CYBA: variants seen among roughly 807,000 people sequenced by gnomAD.
CYBA encodes the protein cytochrome b-245 light chain.
A neutral mutation model predicts 20.8 loss-of-function variants in CYBA; 21 were observed. That is an observed-to-expected ratio of 1.01 (90% CI 0.72 to 1.46). CYBA has a LOEUF of 1.46. Ranked by LOEUF, CYBA falls within the 40% of genes most tolerant of loss-of-function variation. The pLI, the probability that CYBA is intolerant of heterozygous loss-of-function variation, is 0.00. For missense variants in CYBA, 344 were observed against 287.0 expected, an observed-to-expected ratio of 1.20 and a Z score of -1.43; for synonymous variants, 164 against 127.5, an observed-to-expected ratio of 1.29 and a Z score of -1.93.
chr16:88,647,513 G>T (rs1241454399), intron 2 of CYBA, among the ~76,000 whole-genome samples: 6 of 152,218 alleles, frequency 3.9e-5, no homozygotes, highest in African/African-American at 1.2e-4. Flanking sequence ...TGCAGCCTGG[G>T]GGACAGAGCG....
chr16:88,643,449 G>T lies in CYBA; in HGVS notation c.492C>A (p.Arg164=), dbSNP rs1369829608. The stretch of plus-strand genomic sequence containing the variant: ...CAGCCTCCTCCTCGCTGGGCTTCTT[G>T]CGGGCCTCGGCCGGGGGCCGCGGCG... ...NPPPRPPAEA[R]KKPSEEEAAV... is the part of the protein sequence containing the mutation. Residue 164 remains arginine (R), a synonymous_variant, in exon 6 of 6, where the codon CGC becomes CGA. Transcript: ENST00000261623. The surrounding 1 kb of genome is among the most constrained non-coding windows in gnomAD (Gnocchi z 4.3). 1.3e-6 allele frequency: 2 copies of T among 1,533,856 alleles called. No individual in the cohort carries two copies. Among genetic ancestry groups the T allele is most frequent in the East Asian group, 5.0e-5 (2 of 40,400 alleles).
chr16:88,646,179 G>A lies in CYBA; in HGVS notation c.306C>T (p.Gly102=), dbSNP rs867515217. 5 of 1,557,026 alleles carry A rather than the reference G, an allele frequency of 3.2e-6. No individual in the cohort carries two copies. The Admixed American group carries it at 5.7e-5, about 18-fold the overall frequency. ...VLHLLLSVPA[G]FLLATILGTA... ...TCCCAAGGATGGTGGCCAGCAGGAA[G>A]CCGGCGGGCACCGAGAGCCTGGGGG... Residue 102 remains glycine, a synonymous_variant, in exon 5 of 6, where the codon GGC becomes GGT. Coordinates refer to ENST00000261623, the MANE Select transcript of CYBA (RefSeq NM_000101.4).
At position 88,643,972 on chromosome 16, in the gene CYBA, G is replaced by T. The variant is rs1395973855; in HGVS notation, c.370-401C>A. Reference sequence around the variant, plus strand: ...TAGCAGGCCCTGCTCCGTCTGGTGGGCGCCATTCACCCACGCTGGCCGGCA... The same window carrying T: ...TAGCAGGCCCTGCTCCGTCTGGTGGTCGCCATTCACCCACGCTGGCCGGCA... On this transcript the variant is annotated intron_variant, in intron 5 of 5. Coordinates refer to ENST00000261623, the MANE Select transcript of CYBA (RefSeq NM_000101.4). The surrounding 1 kb of genome is among the most constrained non-coding windows in gnomAD (Gnocchi z 4.3). Among the ~76,000 whole-genome samples the T allele has an allele frequency of 6.6e-6, 1 of 152,084 alleles. No individual in the cohort carries two copies. Among genetic ancestry groups the T allele is most frequent in the African/African-American group, 2.4e-5 (1 of 41,418 alleles).
At chr16:88,644,787 T>C in intron 5 of CYBA, 1 of 249,394 alleles carries the variant, frequency 4.0e-6, no homozygotes, top group Non-Finnish European at 8.0e-6. Flanking sequence ...ATCACGCCAC[T>C]GCACTCCAGC....
At position 88,647,660 on chromosome 16, in the gene CYBA, T is replaced by C. The variant is rs72563773; in HGVS notation, c.128+385A>G. 9.1e-4 allele frequency: 347 copies of C among 382,486 alleles called. 1 individual carries two copies. Among genetic ancestry groups the C allele is most frequent in the Non-Finnish European group, 1.3e-3 (251 of 200,444 alleles). The allele number at this position is 382,486 out of a possible 1,614,324, so 23.7% of individuals were successfully genotyped here. ...CTCCCACCACCCTGCCCAGTGCTCC[T>C]TGTCGCAAGGTCCGGCTGGGCGGCA... On this transcript the variant is annotated intron_variant, in intron 2 of 5. Transcript: ENST00000261623.
chr16:88,650,426 G>A (rs764202713), intron 1 of CYBA: 2 of 457,970 alleles, frequency 4.4e-6, no homozygotes, highest in Admixed American at 2.3e-5. Flanking sequence ...GGCCGTCACT[G>A]GGTGGTTTCG....
rs1333090671 is a variant in CYBA at position 88,650,963 on chromosome 16, G to C, written c.51C>G (p.Ser17=). The change falls in exon 1 of 6, where the codon TCC becomes TCG. Residue 17 remains serine (S), a synonymous_variant. Transcript: ENST00000261623. ...TCCCTGACGTGCACTCACTCAGGCC[G>C]GACGCCAGCGCCTGTTCGTTGGCCC... ...AMWANEQALA[S]GLILITGGIV... is the part of the protein sequence containing the mutation. 2 of 1,592,546 alleles carry C rather than the reference G, an allele frequency of 1.3e-6. No individual in the cohort carries two copies. The highest frequency in any genetic ancestry group is 1.7e-6 in the Non-Finnish European group (2 of 1,171,008).
chr16:88,647,971 A>T, intron 2 of CYBA, 74 bp downstream of exon 2: 1 of 1,423,276 alleles, frequency 7.0e-7, no homozygotes, highest in Middle Eastern at 1.7e-4. Context: ...GGAGGCAAAC[A>T]GCTCACTGTG....
rs567075814 is a variant in CYBA at position 88,643,640 on chromosome 16, G to T, written c.370-69C>A. ...TCCCTCCCTCCCTCCCTCCCCGGAG[G>T]CCCACCCCGCTAGGGGCCCTGGGAC... is the stretch of plus-strand genomic sequence containing the variant. On this transcript the variant is annotated intron_variant, in intron 5 of 5. Transcript: ENST00000261623. The surrounding 1 kb of genome is among the most constrained non-coding windows in gnomAD (Gnocchi z 4.3). 4.2e-5 allele frequency: 58 copies of T among 1,392,404 alleles called. 1 individual carries two copies. In the South Asian group the frequency reaches 6.8e-4, roughly 16 times the overall value. 86.3% of individuals were successfully genotyped at this position (1,392,404 alleles called of 1,614,324 possible). A position where few individuals can be genotyped will look rare whatever the true frequency, so the allele number is the denominator to read the frequency against.
Position 88,643,465 on chromosome 16 carries a change from G to C in CYBA, c.476C>G (p.Pro159Arg). 6.5e-7 allele frequency: 1 copy of C among 1,532,470 alleles called. No individual in the cohort carries two copies. Among genetic ancestry groups the C allele is most frequent in the Non-Finnish European group, 8.7e-7 (1 of 1,144,162 alleles). 94.9% of individuals were successfully genotyped at this position (1,532,470 alleles called of 1,614,324 possible). A position where few individuals can be genotyped will look rare whatever the true frequency, so the allele number is the denominator to read the frequency against. ...KQPPSNPPPR[P>R]PAEARKKPSE... ...GGGCTTCTTGCGGGCCTCGGCCGGG[G>C]GCCGCGGCGGGGGGTTGCTGGGCGG... The change falls in exon 6 of 6, where the codon CCC (proline) becomes CGC (arginine). Residue 159 changes from proline to arginine, a missense_variant. Coordinates refer to ENST00000261623, the MANE Select transcript of CYBA (RefSeq NM_000101.4). The surrounding 1 kb of genome is among the most constrained non-coding windows in gnomAD (Gnocchi z 4.3).
At chr16:88,646,535 C>T (rs556841298) in intron 4 of CYBA, 46 of 700,112 alleles carry the variant, frequency 6.6e-5, no homozygotes, top group Middle Eastern at 4.6e-4. Context: ...ACCCTGGCGA[C>T]GGATCGGAGC....
chr16:88,647,033 C>A, intron 3 of CYBA, 68 bp downstream of exon 3: 1 of 1,465,078 alleles, frequency 6.8e-7, no homozygotes, highest in Non-Finnish European at 9.4e-7. Context: ...CCAAGCTCCA[C>A]CCAACCCTGT....
rs113829526 is a variant in CYBA, at chr16:88,646,399, G to A, written c.288-202C>T. 3.5e-3 allele frequency: 2,323 copies of A among 666,944 alleles called. 35 individuals are homozygous for A. In the African/African-American group the frequency reaches 0.037, roughly 11 times the overall value. 41.3% of individuals were successfully genotyped at this position (666,944 alleles called of 1,614,324 possible). On this transcript the variant is annotated intron_variant, in intron 4 of 5. Coordinates refer to ENST00000261623, the MANE Select transcript of CYBA (RefSeq NM_000101.4). ...ACTAGCGGCTCTGGTGCACTTGCTCGGAGGAAGCAGCCACGTGTGGGTGTC... is the reference window on the plus strand; with the variant it reads ...ACTAGCGGCTCTGGTGCACTTGCTCAGAGGAAGCAGCCACGTGTGGGTGTC...
intron 2 of CYBA, 148 bp downstream of exon 2, chr16:88,647,897 C>G: frequency 1.3e-6 from 1 of 756,742 alleles, no homozygotes; most frequent in South Asian, 1.6e-5. Context: ...GCTGCTGGGG[C>G]CTGGGCTGCC....
At chr16:88,645,497 G>A in intron 5 of CYBA, 1 of 688,300 alleles carries the variant, frequency 1.5e-6, no homozygotes. Context: ...CCCGCAGTGA[G>A]AGGTGGCCTG....
In CYBA at chr16:88,648,087, G is replaced by C; in HGVS notation, c.86C>G (p.Thr29Arg). Residue 29 changes from threonine to arginine, a missense_variant, in exon 2 of 6, where the codon ACA (threonine) becomes AGA (arginine). Coordinates refer to ENST00000261623, the MANE Select transcript of CYBA (RefSeq NM_000101.4). Reference protein sequence around the residue: ...LILITGGIVATAGRFTQWYFG... With the variant: ...LILITGGIVARAGRFTQWYFG... ...GTACCACTGGGTGAAGCGCCCAGCT[G>C]TGGCCACGATGCCCCCGGTGATGAG... 6.2e-7 allele frequency: 1 copy of C among 1,613,086 alleles called. No individual in the cohort carries two copies. The highest frequency in any genetic ancestry group is 8.5e-7 in the Non-Finnish European group (1 of 1,179,858).
chr16:88,646,905 T>G, intron 3 of CYBA, 67 bp from the exon 4 acceptor site: 1 of 1,396,584 alleles, frequency 7.2e-7, no homozygotes, highest in Non-Finnish European at 1.0e-6. Flanking sequence ...TTTGCTGCCC[T>G]GCTGACCACC....
rs1907186848 is a variant in CYBA at position 88,643,998 on chromosome 16, G to GC, written c.370-428dup. On this transcript the variant is annotated intron_variant, in intron 5 of 5. Coordinates refer to ENST00000261623, the MANE Select transcript of CYBA (RefSeq NM_000101.4). This position sits in a 1 kb window ranked among gnomAD's most constrained non-coding sequence, Gnocchi z 4.3. ...CGCCATTCACCCACGCTGGCCGGCA[G>GC]CCCCCCAAGGGTGCCCAGGCATTTC... Among the ~76,000 whole-genome samples, 2 of 152,196 alleles carry GC rather than the reference G, an allele frequency of 1.3e-5. No homozygotes were observed. Among genetic ancestry groups the GC allele is most frequent in the Admixed American group, 6.5e-5 (1 of 15,284 alleles).
Position 88,643,537 on chromosome 16 carries a change from T to C in CYBA, c.404A>G (p.Glu135Gly). Residue 135 changes from glutamate to glycine, a missense_variant, in exon 6 of 6, where the codon GAG becomes GGG. Transcript: ENST00000261623. The surrounding 1 kb of genome is among the most constrained non-coding windows in gnomAD (Gnocchi z 4.3). The stretch of plus-strand genomic sequence containing the variant: ...CTGCGGCCGCTCCCGGGGCTTGGGC[T>C]CGATGGGCGTCCACTGCTCGCCACG... ...AVRGEQWTPI[E>G]PKPRERPQIG... 6.5e-7 allele frequency: 1 copy of C among 1,534,944 alleles called. No homozygotes were observed. The highest frequency in any genetic ancestry group is 8.7e-7 in the Non-Finnish European group (1 of 1,146,746).
Sources: gnomAD v4.1 joint callset for allele counts (sites outside exome capture counted in the v4.1 genomes callset) on GRCh38, gnomAD v4.1.1 for gene constraint, Gnocchi (gnomAD v3.1) non-coding constraint, MANE v1.5 for transcripts, NCBI Gene and HGNC (gene_info 2026-07-23, HGNC 2026-07-21) for gene names.